The following NCALD variants were observed in gnomAD, a reference collection of about 807,000 sequenced individuals.
NCALD encodes the protein neurocalcin delta.
A neutral mutation model predicts 18.6 loss-of-function variants in NCALD; 10 were observed. The observed-to-expected ratio is 0.54, with a 90% CI of 0.33 to 0.91. The LOEUF (loss-of-function observed/expected upper bound fraction) is 0.91, where lower values mean the gene tolerates loss of function less well. Among genes scored for constraint, NCALD ranks in the 40% least tolerant of loss-of-function variants. NCALD has a pLI of 0.03. For missense variants in NCALD, 184 were observed against 247.6 expected (o/e 0.74, Z 1.72); for synonymous variants, 88 against 87.4 (o/e 1.01, Z -0.04).
rs113691511 is a variant in NCALD, at chr8:101,692,957, T to C, written c.379-61A>G. On this transcript the variant is annotated intron_variant, in intron 2 of 3. Coordinates refer to ENST00000220931, the MANE Select transcript of NCALD (RefSeq NM_032041.3). ...AACAGTATGGCACACAATAGACCTATCATTAAACCTCCCAAATGCGGGCTG... is the reference window on the plus strand; with the variant it reads ...AACAGTATGGCACACAATAGACCTACCATTAAACCTCCCAAATGCGGGCTG... The C allele has an allele frequency of 2.9e-3, 3,558 of 1,212,212 alleles. 71 individuals carry two copies. In the African/African-American group the frequency reaches 0.044, roughly 15 times the overall value. 75.1% of individuals were successfully genotyped at this position (1,212,212 alleles called of 1,614,324 possible). A position where few individuals can be genotyped will look rare whatever the true frequency, so the allele number is the denominator to read the frequency against.
intron 1 of NCALD, among the ~76,000 whole-genome samples, chr8:102,100,864 G>C (rs543564640): frequency 6.6e-6 from 1 of 152,152 alleles, no homozygotes; most frequent in Non-Finnish European, 1.5e-5. Context: ...AATTCATAGA[G>C]CAGAACGGTG....
intron 1 of NCALD, among the ~76,000 whole-genome samples, chr8:101,787,393 T>C (rs568326660): frequency 6.6e-6 from 1 of 152,310 alleles, no homozygotes; most frequent in South Asian, 2.1e-4. Context: ...CCATTTCAAA[T>C]GCGAGGGATT....
At position 101,731,247 on chromosome 8, in the gene NCALD, G is replaced by A. The variant is rs573872647; in HGVS notation, c.-19-11599C>T. Among the ~76,000 whole-genome samples, 57 of 152,264 alleles carry A rather than the reference G, an allele frequency of 3.7e-4. 2 individuals carry two copies. Among genetic ancestry groups the A allele is most frequent in the Admixed American group, 1.0e-3 (16 of 15,292 alleles). ...GATGACGTCAGCACCATCATGCGGG[G>A]CCAGGTGATGTGGGGCCTGGACATG... On this transcript the variant is annotated intron_variant, in intron 1 of 3. Transcript: ENST00000220931.
intron 1 of NCALD, among the ~76,000 whole-genome samples, chr8:101,730,310 T>A (rs988992766): frequency 6.6e-6 from 1 of 151,614 alleles, no homozygotes; most frequent in South Asian, 2.1e-4. Flanking sequence ...TGAAACCCCG[T>A]CTCTACTAAA....
At chr8:102,055,250 T>A (rs906428820) in intron 1 of NCALD, among the ~76,000 whole-genome samples, 5 of 127,028 alleles carry the variant, frequency 3.9e-5, no homozygotes, top group Admixed American at 2.4e-4. Context: ...ATTCATGATA[T>A]GAAAAAAAAA....
At chr8:102,089,133 G>A (rs1173779896) in intron 1 of NCALD, among the ~76,000 whole-genome samples, 2 of 152,174 alleles carry the variant, frequency 1.3e-5, no homozygotes, top group African/African-American at 2.4e-5. Flanking sequence ...AGTGGCTCAC[G>A]CTTGTAATCC....
chr8:102,036,792 A>G (rs1822882952), intron 1 of NCALD, among the ~76,000 whole-genome samples: 1 of 152,070 alleles, frequency 6.6e-6, no homozygotes. Flanking sequence ...AAAAAATATA[A>G]AATATAAGAT....
intron 2 of NCALD, among the ~76,000 whole-genome samples, chr8:101,936,327 G>A (rs1331365992): frequency 6.6e-6 from 1 of 152,120 alleles, no homozygotes; most frequent in Non-Finnish European, 1.5e-5. Context: ...ATCATGGTTA[G>A]GACTTGTCAG....
At chr8:102,102,194 C>G (rs1825305438) in intron 1 of NCALD, among the ~76,000 whole-genome samples, 1 of 152,158 alleles carries the variant, frequency 6.6e-6, no homozygotes, top group African/African-American at 2.4e-5. Flanking sequence ...AGCACCTTTT[C>G]AATGCTCAGA....
intron 2 of NCALD, among the ~76,000 whole-genome samples, chr8:102,016,120 G>A (rs1822076047): frequency 6.6e-6 from 1 of 152,120 alleles, no homozygotes; most frequent in Admixed American, 6.5e-5. Context: ...CTTGGAAAGG[G>A]GTACAAGCAA....
chr8:101,693,318 GTTTTTTTTTTTTTTTTTTTTT>G (rs71276999), intron 2 of NCALD: 16,363 of 61,040 alleles, frequency 0.27, 1,532 homozygotes, highest in Middle Eastern at 0.45. Context: ...CACACAGGGC[GTTTTTTTTTTTTTTTTTTTTT>G]TTTTTTTTTT....
At chr8:101,726,423 G>A (rs1816576559) in intron 1 of NCALD, among the ~76,000 whole-genome samples, 1 of 152,090 alleles carries the variant, frequency 6.6e-6, no homozygotes, top group South Asian at 2.1e-4. Context: ...CAGAAAAGGG[G>A]CACCTGGTTG....
intron 2 of NCALD, among the ~76,000 whole-genome samples, chr8:101,957,615 G>T (rs1027544142): frequency 9.2e-5 from 14 of 152,182 alleles, no homozygotes; most frequent in African/African-American, 3.4e-4. Flanking sequence ...ATGTGAAAGG[G>T]ACACAAAGTG....
intron 1 of NCALD, among the ~76,000 whole-genome samples, chr8:102,113,485 AT>A (rs1210493943): frequency 1.3e-5 from 2 of 152,216 alleles, no homozygotes; most frequent in African/African-American, 2.4e-5. Context: ...TGTTAAACAT[AT>A]TTTTGCCTAT....
At chr8:102,008,474 TAAA>T (rs34867950) in intron 2 of NCALD, among the ~76,000 whole-genome samples, 5 of 133,344 alleles carry the variant, frequency 3.7e-5, no homozygotes, top group Admixed American at 7.6e-5. Context: ...TAAAGGCAGT[TAAA>T]AAAAAAAAAA....
chr8:101,750,597 C>T (rs1349410032), intron 1 of NCALD: 2 of 152,250 alleles, frequency 1.3e-5, no homozygotes, highest in African/African-American at 4.8e-5. Flanking sequence ...GTGTCACTCA[C>T]CTAAACAAAG....
chr8:101,878,332 T>C lies in NCALD; in HGVS notation c.-20+8809A>G, dbSNP rs545999296. ...GTTACTCTGTCCCATAGAAATTACA[T>C]TGGTAGATGCTAAACTAACTCCATG... is the stretch of plus-strand genomic sequence containing the variant. On this transcript the variant is annotated intron_variant, in intron 4 of 6. Transcript: ENST00000311028. 9.2e-5 allele frequency among the ~76,000 whole-genome samples: 14 copies of C among 152,394 alleles called. No homozygotes were observed. The South Asian group carries it at 1.7e-3, about 18-fold the overall frequency.
intron 2 of NCALD, among the ~76,000 whole-genome samples, chr8:102,018,977 A>G (rs906815127): frequency 6.6e-6 from 1 of 152,186 alleles, no homozygotes; most frequent in African/African-American, 2.4e-5. Context: ...ACAGAAAAAG[A>G]GAAGATATTT....
intron 1 of NCALD, among the ~76,000 whole-genome samples, chr8:101,730,780 A>G (rs1385847558): frequency 6.6e-6 from 1 of 152,202 alleles, no homozygotes; most frequent in Non-Finnish European, 1.5e-5. Flanking sequence ...TGGTTCCCGT[A>G]TCCCTTAGGT....
Sources: gnomAD v4.1 joint callset for allele counts (sites outside exome capture counted in the v4.1 genomes callset) on GRCh38, gnomAD v4.1.1 for gene constraint, MANE v1.5 for transcripts, NCBI Gene and HGNC (gene_info 2026-07-23, HGNC 2026-07-21) for gene names.